The following NRXN1 variants were observed in gnomAD, a reference collection of about 807,000 sequenced individuals.
The protein encoded by NRXN1 is neurexin 1.
A neutral mutation model predicts 150.9 loss-of-function variants in NRXN1; 39 were observed. The observed-to-expected ratio is 0.26, with a 90% CI of 0.20 to 0.34. The LOEUF is 0.34. NRXN1 is among the 10% of genes least tolerant of loss of function. NRXN1 has a pLI of 1.00. For missense variants in NRXN1, 1,815 were observed against 1,949.9 expected (o/e 0.93, Z 1.30); for synonymous variants, 924 against 757.0 (o/e 1.22, Z -3.62).
At chr2:50,226,993 G>A (rs1053754793) in intron 18 of NRXN1, among the ~76,000 whole-genome samples, 3 of 151,926 alleles carry the variant, frequency 2.0e-5, no homozygotes, top group Non-Finnish European at 4.4e-5. Flanking sequence ...GAATACTAAA[G>A]TGCACGAAAT....
intron 5 of NRXN1, chr2:50,919,271 G>A (rs1360420755): frequency 6.6e-6 from 1 of 151,718 alleles, no homozygotes; most frequent in African/African-American, 2.4e-5. Context: ...CATCAACTCT[G>A]TAAGGACACA....
intron 8 of NRXN1, chr2:50,588,911 T>C (rs1673628112): frequency 1.3e-5 from 2 of 152,150 alleles, no homozygotes; most frequent in Non-Finnish European, 2.9e-5. Flanking sequence ...TGTGAATATA[T>C]GATGAGCTCA....
Position 49,987,424 on chromosome 2 carries a change from TATTA to T in NRXN1, c.4129-43637_4129-43634del. On this transcript the variant is annotated intron_variant, in intron 21 of 22. Coordinates refer to ENST00000401669, the MANE Select transcript of NRXN1 (RefSeq NM_001330078.2). ...TATAATATTTAGAGCATATATTATT[TATTA>T]TTTTTTGTGTCTAATTTACATATAT... is the stretch of plus-strand genomic sequence containing the variant. 2.6e-5 allele frequency among the ~76,000 whole-genome samples: 4 copies of T among 152,314 alleles called. No individual in the cohort carries two copies. The Middle Eastern group carries it at 0.014, about 518-fold the overall frequency.
chr2:50,776,797 ACT>A, intron 5 of NRXN1, among the ~76,000 whole-genome samples: 1 of 151,882 alleles, frequency 6.6e-6, no homozygotes. Flanking sequence ...CTTAGTTAAA[ACT>A]CTGAAAGAAA....
Position 50,921,876 on chromosome 2 carries a change from T to G in NRXN1, c.825A>C (p.Lys275Asn). The G allele has an allele frequency of 7.1e-7, 1 of 1,402,826 alleles. No individual in the cohort carries two copies. The highest frequency in any genetic ancestry group is 9.6e-7 in the Non-Finnish European group (1 of 1,046,290). 86.9% of individuals were successfully genotyped at this position (1,402,826 alleles called of 1,614,324 possible). A position where few individuals can be genotyped will look rare whatever the true frequency, so the allele number is the denominator to read the frequency against. The change falls in exon 5 of 23, where the codon AAA (lysine) becomes AAC (asparagine). Residue 275 changes from lysine to asparagine, a missense_variant. Coordinates refer to ENST00000401669, the MANE Select transcript of NRXN1 (RefSeq NM_001330078.2). ...LAHLMMGDQG[K>N]SKGKEEYIAT... Reference sequence around the variant, plus strand: ...AATAAAATAATGTAATACCTTTACTTTTACCTATGGATTTGATGAAATGGG... The same window carrying G: ...AATAAAATAATGTAATACCTTTACTGTTACCTATGGATTTGATGAAATGGG...
At chr2:50,630,052 C>T (rs1681981463) in intron 5 of NRXN1, among the ~76,000 whole-genome samples, 1 of 151,498 alleles carries the variant, frequency 6.6e-6, no homozygotes, top group Non-Finnish European at 1.5e-5. Context: ...TTTTATGTTG[C>T]CACACAGTTG....
intron 17 of NRXN1, among the ~76,000 whole-genome samples, chr2:50,316,859 C>T (rs894476451): frequency 6.6e-6 from 1 of 151,968 alleles, no homozygotes; most frequent in East Asian, 1.9e-4. Flanking sequence ...CTAAGGTGAA[C>T]TGAAAGCAGT....
intron 17 of NRXN1, among the ~76,000 whole-genome samples, chr2:50,250,460 T>C (rs2066932901): frequency 6.6e-6 from 1 of 152,078 alleles, no homozygotes; most frequent in South Asian, 2.1e-4. Context: ...CGGAAGCTGA[T>C]GCATTTTTAA....
chr2:49,921,650 G>A lies in NRXN1; in HGVS notation c.*294C>T, dbSNP rs1283748790. 1.9e-5 allele frequency: 7 copies of A among 377,924 alleles called. No homozygotes were observed. In the East Asian group the frequency reaches 2.8e-4, roughly 15 times the overall value. 23.4% of individuals were successfully genotyped at this position (377,924 alleles called of 1,614,324 possible). A position where few individuals can be genotyped will look rare whatever the true frequency, so the allele number is the denominator to read the frequency against. ...ACTCCTTTGCTTTATGAATGCGTGC[G>A]GTCATCACTGTCTTTTAGAAATGTT... On this transcript the variant is annotated 3_prime_UTR_variant, in exon 23 of 23. Transcript: ENST00000401669.
At chr2:50,774,856 C>A (rs1278363194) in intron 5 of NRXN1, among the ~76,000 whole-genome samples, 1 of 152,152 alleles carries the variant, frequency 6.6e-6, no homozygotes, top group Non-Finnish European at 1.5e-5. Context: ...ATATACATTT[C>A]TATTCCCATC....
chr2:50,812,077 G>T (rs958827058), intron 5 of NRXN1, among the ~76,000 whole-genome samples: 9 of 147,170 alleles, frequency 6.1e-5, no homozygotes, highest in African/African-American at 1.7e-4. Flanking sequence ...GAAACCAGAT[G>T]AAAAAAAAAA....
chr2:50,710,718 G>A (rs897926115), intron 5 of NRXN1, among the ~76,000 whole-genome samples: 1 of 130,402 alleles, frequency 7.7e-6, no homozygotes, highest in Non-Finnish European at 1.8e-5. Flanking sequence ...TTATTTGCTG[G>A]TAAGTGAGCA....
At chr2:50,785,973 G>T (rs1245330499) in intron 5 of NRXN1, among the ~76,000 whole-genome samples, 1 of 151,840 alleles carries the variant, frequency 6.6e-6, no homozygotes, top group Non-Finnish European at 1.5e-5. Context: ...TAACAGCCAC[G>T]CCCCCACCCT....
At chr2:50,654,219 C>T (rs575939454) in intron 5 of NRXN1, among the ~76,000 whole-genome samples, 7 of 89,658 alleles carry the variant, frequency 7.8e-5, no homozygotes, top group African/African-American at 1.8e-4. Context: ...TGATGTTCCC[C>T]TTCCTGTGTC....
At chr2:50,460,657 C>T (rs2088089009) in intron 17 of NRXN1, among the ~76,000 whole-genome samples, 1 of 151,998 alleles carries the variant, frequency 6.6e-6, no homozygotes, top group Admixed American at 6.6e-5. Flanking sequence ...TATTACATTT[C>T]TCTGTCATAC....
chr2:50,576,980 T>G (rs988993483), intron 8 of NRXN1, among the ~76,000 whole-genome samples: 1 of 152,162 alleles, frequency 6.6e-6, no homozygotes, highest in Non-Finnish European at 1.5e-5. Context: ...ATTTTAATGA[T>G]AAGCTCCTGG....
At position 50,347,392 on chromosome 2, in the gene NRXN1, G is replaced by C; in HGVS notation, c.3365-110422C>G. On this transcript the variant is annotated intron_variant, in intron 17 of 22. Coordinates refer to ENST00000401669, the MANE Select transcript of NRXN1 (RefSeq NM_001330078.2). The surrounding 1 kb of genome is among the most constrained non-coding windows in gnomAD (Gnocchi z 4.9). ...CAGACATCCACCGCGAATCCACTAG[G>C]TAAATCCATTTAGCTTTGTGTGCGG... The C allele has an allele frequency of 8.4e-7, 1 of 1,183,606 alleles. No homozygotes were observed. Among genetic ancestry groups the C allele is most frequent in the Non-Finnish European group, 1.1e-6 (1 of 938,544 alleles). 73.3% of individuals were successfully genotyped at this position (1,183,606 alleles called of 1,614,324 possible). A position where few individuals can be genotyped will look rare whatever the true frequency, so the allele number is the denominator to read the frequency against.
intron 18 of NRXN1, among the ~76,000 whole-genome samples, chr2:50,138,503 G>A (rs1208027740): frequency 1.3e-5 from 2 of 152,062 alleles, no homozygotes; most frequent in Non-Finnish European, 2.9e-5. Flanking sequence ...TGCTATTTGT[G>A]GTTAAAAAGA....
chr2:49,994,423 G>T (rs1573288395), intron 21 of NRXN1, among the ~76,000 whole-genome samples: 1 of 152,276 alleles, frequency 6.6e-6, no homozygotes, highest in Admixed American at 6.5e-5. Flanking sequence ...AGGCATTAAA[G>T]GAGTAGTTTT....
Sources: allele counts gnomAD v4.1 joint callset (sites outside exome capture counted in the v4.1 genomes callset), GRCh38; gene constraint gnomAD v4.1.1; non-coding constraint Gnocchi (gnomAD v3.1); transcripts MANE v1.5; gene names NCBI Gene and HGNC (gene_info 2026-07-23, HGNC 2026-07-21).